Variants in DPP6 observed in about 807,000 individuals in gnomAD.
The protein encoded by DPP6 is A-type potassium channel modulatory protein DPP6.
In DPP6, 69 loss-of-function variants were observed where a neutral mutation model predicts 122.6. That is an observed-to-expected ratio of 0.56 (90% CI 0.46 to 0.69). The LOEUF is 0.69. Ranked by LOEUF, DPP6 falls within the 30% of genes least tolerant of loss-of-function variation. DPP6 has a pLI of 0.00. For synonymous variants in DPP6, 418 were observed against 433.1 expected (o/e 0.97, Z 0.43); for missense variants, 928 against 1,116.9 (o/e 0.83, Z 2.41).
intron 1 of DPP6, among the ~76,000 whole-genome samples, chr7:154,270,887 C>T (rs1415824114): frequency 6.6e-6 from 1 of 152,150 alleles, no homozygotes; most frequent in African/African-American, 2.4e-5. Context: ...CCTGTGTCTT[C>T]CCCCTTCACC....
At chr7:154,592,472 G>A (rs374338926) in intron 5 of DPP6, among the ~76,000 whole-genome samples, 37 of 152,334 alleles carry the variant, frequency 2.4e-4, no homozygotes, top group African/African-American at 8.7e-4. Context: ...GGACAGAGCC[G>A]GGGAAGCCCC....
chr7:154,830,616 C>T (rs1800556794), intron 16 of DPP6, among the ~76,000 whole-genome samples: 1 of 152,206 alleles, frequency 6.6e-6, no homozygotes, highest in Non-Finnish European at 1.5e-5. Flanking sequence ...TGGTTCTAAG[C>T]AAAGGGTAGC....
At chr7:154,517,882 C>T (rs911429010) in intron 3 of DPP6, among the ~76,000 whole-genome samples, 1 of 152,114 alleles carries the variant, frequency 6.6e-6, no homozygotes, top group Admixed American at 6.5e-5. Flanking sequence ...CAATTTTCAA[C>T]ATCGTTTACC....
At chr7:154,374,570 T>A (rs1048263229) in intron 1 of DPP6, among the ~76,000 whole-genome samples, 2 of 152,024 alleles carry the variant, frequency 1.3e-5, no homozygotes, top group Non-Finnish European at 2.9e-5. Context: ...TATAGGTTTT[T>A]TTTTTCTTTT....
At chr7:154,329,869 T>A (rs1338204835) in intron 1 of DPP6, among the ~76,000 whole-genome samples, 1 of 152,238 alleles carries the variant, frequency 6.6e-6, no homozygotes, top group Non-Finnish European at 1.5e-5. Context: ...TGAGTTCATG[T>A]CCTTTGCAGA....
At chr7:154,440,085 A>G (rs1008844232) in intron 1 of DPP6, among the ~76,000 whole-genome samples, 3 of 152,154 alleles carry the variant, frequency 2.0e-5, no homozygotes, top group Non-Finnish European at 4.4e-5. Flanking sequence ...GATGATGATG[A>G]TGTATAATTA....
chr7:154,611,489 A>G (rs1833905318), intron 5 of DPP6, among the ~76,000 whole-genome samples: 1 of 151,804 alleles, frequency 6.6e-6, no homozygotes, highest in Non-Finnish European at 1.5e-5. Context: ...GGTTCTAGAA[A>G]TTTTTTCTTG....
chr7:154,612,086 G>T (rs535084313), intron 5 of DPP6, among the ~76,000 whole-genome samples: 1 of 152,286 alleles, frequency 6.6e-6, no homozygotes, highest in South Asian at 2.1e-4. Flanking sequence ...CTGTGAGCTT[G>T]CTGTCTTGCC....
At chr7:154,337,280 G>C (rs1229041605) in intron 1 of DPP6, among the ~76,000 whole-genome samples, 2 of 151,912 alleles carry the variant, frequency 1.3e-5, no homozygotes, top group Non-Finnish European at 1.5e-5. Context: ...CGGCCAGGGT[G>C]GTACCCACAC....
chr7:154,599,496 T>C (rs556788616), intron 5 of DPP6, among the ~76,000 whole-genome samples: 2 of 92,614 alleles, frequency 2.2e-5, no homozygotes, highest in East Asian at 2.2e-4. Context: ...GACTTCTTTT[T>C]ATTATTATTA....
At chr7:153,804,512 T>C in the DPP6 span, among the ~76,000 whole-genome samples, 2 of 152,296 alleles carry the variant, frequency 1.3e-5, no homozygotes, top group Middle Eastern at 3.4e-3. Flanking sequence ...CCATTGCTTG[T>C]AGATATACAT....
chr7:154,040,814 G>C (rs1210003305), intron 1 of DPP6, among the ~76,000 whole-genome samples: 1 of 151,506 alleles, frequency 6.6e-6, no homozygotes, highest in Non-Finnish European at 1.5e-5. Context: ...TGCACACTTA[G>C]CCTGCGTGCT....
intron 1 of DPP6, among the ~76,000 whole-genome samples, chr7:153,895,939 G>T (rs2128996016): frequency 6.6e-6 from 1 of 152,328 alleles, no homozygotes; most frequent in East Asian, 1.9e-4. Flanking sequence ...GGTTTCCAGT[G>T]TGGTGTTACT....
At chr7:154,358,680 T>G (rs1405408286) in intron 1 of DPP6, among the ~76,000 whole-genome samples, 1 of 152,162 alleles carries the variant, frequency 6.6e-6, no homozygotes, top group East Asian at 1.9e-4. Flanking sequence ...TCATTACTAA[T>G]ATTGATTTTA....
intron 1 of DPP6, among the ~76,000 whole-genome samples, chr7:154,408,833 C>A (rs1278684170): frequency 6.6e-6 from 1 of 151,206 alleles, no homozygotes; most frequent in Non-Finnish European, 1.5e-5. Context: ...GAATTGTATT[C>A]CCCCCAACTC....
At chr7:154,401,102 C>T (rs1458812004) in intron 1 of DPP6, among the ~76,000 whole-genome samples, 2 of 151,714 alleles carry the variant, frequency 1.3e-5, no homozygotes, top group African/African-American at 4.9e-5. Context: ...GAGGCTGAGG[C>T]AGGAGAATCA....
intron 5 of DPP6, among the ~76,000 whole-genome samples, chr7:154,598,699 T>C (rs1213668868): frequency 6.6e-6 from 1 of 152,230 alleles, no homozygotes; most frequent in Non-Finnish European, 1.5e-5. Flanking sequence ...CCTCCTTGTT[T>C]ATGTTCTGGA....
intron 1 of DPP6, among the ~76,000 whole-genome samples, chr7:154,298,859 C>T (rs140958622): frequency 3.9e-5 from 6 of 152,310 alleles, no homozygotes; most frequent in Non-Finnish European, 5.9e-5. Context: ...GAAGTGTGGA[C>T]AAAATGGGCC....
At position 153,928,396 on chromosome 7, in the gene DPP6, A is replaced by ATGTT. The variant is rs1275067491; in HGVS notation, c.51+40663_51+40664insGTTT. On this transcript the variant is annotated intron_variant, in intron 1 of 25. Transcript: ENST00000404039. Reference sequence around the variant, plus strand: ...CTGGCTAATTTTTTTCTTTTCTTTCATTTTTTTTTTTTTTTTTTTTTTTTT... The same window carrying ATGTT: ...CTGGCTAATTTTTTTCTTTTCTTTCATGTTTTTTTTTTTTTTTTTTTTTTTTTTT... 2.6e-3 allele frequency among the ~76,000 whole-genome samples: 114 copies of ATGTT among 43,692 alleles called. 5 individuals carry two copies. The highest frequency in any genetic ancestry group is 8.7e-3 in the African/African-American group (110 of 12,640). 28.7% of individuals were successfully genotyped at this position (43,692 alleles called of 152,430 possible).
Sources: gnomAD v4.1 joint callset for allele counts (sites outside exome capture counted in the v4.1 genomes callset) on GRCh38, gnomAD v4.1.1 for gene constraint, MANE v1.5 for transcripts, NCBI Gene and HGNC (gene_info 2026-07-23, HGNC 2026-07-21) for gene names.